PTPRD: variants seen among roughly 807,000 people sequenced by gnomAD.
PTPRD encodes receptor-type tyrosine-protein phosphatase delta.
Under a neutral mutation model 214.5 loss-of-function variants are expected in PTPRD, and 34 were observed. The observed-to-expected ratio is 0.16, with a 90% CI of 0.12 to 0.21. PTPRD has a LOEUF of 0.21. PTPRD is among the 10% of genes least tolerant of loss of function. The pLI is 1.00. For synonymous variants in PTPRD, 1,128 were observed against 845.7 expected (o/e 1.33, Z -5.79); for missense variants, 2,545 against 2,398.7 (o/e 1.06, Z -1.27).
intron 11 of PTPRD, among the ~76,000 whole-genome samples, chr9:8,852,752 A>G (rs750759125): frequency 1.3e-5 from 2 of 152,198 alleles, no homozygotes; most frequent in Non-Finnish European, 2.9e-5. Context: ...AGCCATCAAA[A>G]AGCTCAGTTT....
At chr9:8,802,912 T>C (rs1370205665) in intron 11 of PTPRD, among the ~76,000 whole-genome samples, 2 of 151,864 alleles carry the variant, frequency 1.3e-5, no homozygotes, top group African/African-American at 2.4e-5. Context: ...ATTAGCTTAG[T>C]GTGGTGGCAC....
intron 11 of PTPRD, among the ~76,000 whole-genome samples, chr9:8,854,618 T>C (rs2097880751): frequency 6.6e-6 from 1 of 152,192 alleles, no homozygotes; most frequent in Non-Finnish European, 1.5e-5. Context: ...GCCTAATGTC[T>C]CTCAAGATTG....
chr9:9,136,132 A>G (rs1018244826), intron 10 of PTPRD, among the ~76,000 whole-genome samples: 5 of 152,164 alleles, frequency 3.3e-5, no homozygotes, highest in Non-Finnish European at 7.4e-5. Flanking sequence ...CTCAGCTTTT[A>G]CAACTTCATC....
chr9:9,958,207 C>CA (rs1251969003), intron 4 of PTPRD, among the ~76,000 whole-genome samples: 2 of 152,122 alleles, frequency 1.3e-5, no homozygotes, highest in Non-Finnish European at 1.5e-5. Context: ...ATCTATGAAA[C>CA]AAAGAAGGAT....
intron 4 of PTPRD, among the ~76,000 whole-genome samples, chr9:9,978,274 T>G (rs1173712645): frequency 6.6e-6 from 1 of 152,122 alleles, no homozygotes; most frequent in Non-Finnish European, 1.5e-5. Flanking sequence ...TTAAAATAAC[T>G]ATGTGAAACC....
intron 10 of PTPRD, among the ~76,000 whole-genome samples, chr9:9,065,607 C>T (rs1304006419): frequency 1.3e-5 from 2 of 152,136 alleles, no homozygotes; most frequent in Non-Finnish European, 1.5e-5. Context: ...TACAGACTTA[C>T]TCTTCTCACC....
In PTPRD at chr9:8,317,146, T is replaced by C. The variant is rs1822477649; in HGVS notation, c.*728A>G. The C allele has an allele frequency of 4.3e-6, 1 of 231,692 alleles. No homozygotes were observed. Among genetic ancestry groups the C allele is most frequent in the African/African-American group, 2.2e-5 (1 of 45,104 alleles). The allele number at this position is 231,692 out of a possible 1,614,324, so 14.4% of individuals were successfully genotyped here. A position where few individuals can be genotyped will look rare whatever the true frequency, so the allele number is the denominator to read the frequency against. ...GACGAGACTGATACTGTAGATTGAGTTTTGCACAAAAATGTGCAAATTTTC... is the reference window on the plus strand; with the variant it reads ...GACGAGACTGATACTGTAGATTGAGCTTTGCACAAAAATGTGCAAATTTTC... On this transcript the variant is annotated 3_prime_UTR_variant, in exon 46 of 46. Transcript: ENST00000381196.
chr9:9,859,575 G>C (rs149748800), intron 5 of PTPRD, among the ~76,000 whole-genome samples: 162 of 152,320 alleles, frequency 1.1e-3, no homozygotes, highest in South Asian at 1.9e-3. Context: ...CCTTCAAGGA[G>C]AGAATGCTCT....
At chr9:8,563,997 C>A (rs564044053) in intron 14 of PTPRD, among the ~76,000 whole-genome samples, 1 of 152,150 alleles carries the variant, frequency 6.6e-6, no homozygotes, top group East Asian at 1.9e-4. Flanking sequence ...TTAGACGGTG[C>A]GAAAGCAATA....
chr9:9,980,942 T>C (rs983493745), intron 4 of PTPRD, among the ~76,000 whole-genome samples: 4 of 145,350 alleles, frequency 2.8e-5, no homozygotes, highest in African/African-American at 1.0e-4. Context: ...CATTATACTC[T>C]GGTAAGAATA....
chr9:9,609,896 T>A (rs2094426562), intron 7 of PTPRD, among the ~76,000 whole-genome samples: 1 of 152,094 alleles, frequency 6.6e-6, no homozygotes, highest in African/African-American at 2.4e-5. Flanking sequence ...GATAACTAAT[T>A]TATAAAAAAA....
intron 4 of PTPRD, among the ~76,000 whole-genome samples, chr9:9,967,180 A>C (rs2094764990): frequency 6.6e-6 from 1 of 152,074 alleles, no homozygotes; most frequent in Admixed American, 6.6e-5. Flanking sequence ...TGCCTCAGCC[A>C]CTCTTTGCCT....
chr9:8,969,691 A>G (rs1224653513), intron 11 of PTPRD, among the ~76,000 whole-genome samples: 1 of 151,952 alleles, frequency 6.6e-6, no homozygotes, highest in Non-Finnish European at 1.5e-5. Context: ...AAAGAGAATA[A>G]ATAAATGGAT....
intron 11 of PTPRD, among the ~76,000 whole-genome samples, chr9:8,836,960 A>G (rs1337311500): frequency 6.6e-6 from 1 of 151,158 alleles, no homozygotes; most frequent in Admixed American, 6.6e-5. Flanking sequence ...TACCATTAAT[A>G]ACCCACCCAT....
chr9:8,614,642 T>C (rs1164130599), intron 14 of PTPRD, among the ~76,000 whole-genome samples: 1 of 152,106 alleles, frequency 6.6e-6, no homozygotes, highest in Non-Finnish European at 1.5e-5. Context: ...CAAAGGAGTT[T>C]ATGCAAGAAA....
chr9:9,917,191 T>C (rs1450013479), intron 5 of PTPRD, among the ~76,000 whole-genome samples: 1 of 131,202 alleles, frequency 7.6e-6, no homozygotes, highest in Non-Finnish European at 1.6e-5. Context: ...CAAGGAAGAA[T>C]AAAGATCAAG....
chr9:8,551,357 A>T (rs1041700765), intron 14 of PTPRD, among the ~76,000 whole-genome samples: 1 of 152,182 alleles, frequency 6.6e-6, no homozygotes, highest in Admixed American at 6.5e-5. Flanking sequence ...AAACCCATTT[A>T]ATCTCATCCT....
intron 4 of PTPRD, among the ~76,000 whole-genome samples, chr9:9,947,270 T>C (rs769075210): frequency 1.4e-4 from 16 of 117,694 alleles, no homozygotes; most frequent in Non-Finnish European, 2.5e-4. Context: ...TTTCTAGTTA[T>C]ACTTAACATG....
At chr9:9,765,373 A>G (rs553458598) in intron 6 of PTPRD, among the ~76,000 whole-genome samples, 8 of 152,316 alleles carry the variant, frequency 5.3e-5, no homozygotes, top group African/African-American at 1.9e-4. Context: ...ACAGGCATCA[A>G]TTACTAATGA....
Sources: gnomAD v4.1 joint callset for allele counts (sites outside exome capture counted in the v4.1 genomes callset) on GRCh38, gnomAD v4.1.1 for gene constraint, MANE v1.5 for transcripts, NCBI Gene and HGNC (gene_info 2026-07-23, HGNC 2026-07-21) for gene names.